The following TRPM2 variants were observed in gnomAD, a reference collection of about 807,000 sequenced individuals.
The protein encoded by TRPM2 is transient receptor potential cation channel subfamily M member 2.
TRPM2 carries 161 observed loss-of-function variants against 174.0 expected under a neutral mutation model. The observed-to-expected ratio is 0.93, with a 90% CI of 0.81 to 1.05. The LOEUF (loss-of-function observed/expected upper bound fraction) is 1.05, where lower values mean the gene tolerates loss of function less well. TRPM2 is among the 50% of genes least tolerant of loss of function. The pLI is 0.00. For missense variants in TRPM2, 2,057 were observed against 2,038.0 expected (o/e 1.01, Z -0.18); for synonymous variants, 954 against 861.3 (o/e 1.11, Z -1.88).
At chr21:44,377,919 G>A (rs1405429962) in intron 7 of TRPM2, 146 bp downstream of exon 7, 3 of 977,954 alleles carry the variant, frequency 3.1e-6, no homozygotes, top group Non-Finnish European at 4.5e-6. Flanking sequence ...GAGCATCTAC[G>A]CTGTGTCGGG....
chr21:44,373,946 A>C (rs1183131990), intron 5 of TRPM2, among the ~76,000 whole-genome samples: 1 of 152,106 alleles, frequency 6.6e-6, no homozygotes, highest in Non-Finnish European at 1.5e-5. Flanking sequence ...TCACCAGAAG[A>C]AGCAACTGTG....
Position 44,439,618 on chromosome 21 carries a change from G to C in TRPM2, c.4269+450G>C, listed in dbSNP as rs1218720022. Reference sequence around the variant, plus strand: ...TTCCCACATGCATGCCCAGCCTGGGGACCGACTGTACCAGGACTTTTTATT... The same window carrying C: ...TTCCCACATGCATGCCCAGCCTGGGCACCGACTGTACCAGGACTTTTTATT... On this transcript the variant is annotated intron_variant, in intron 30 of 31. Transcript: ENST00000397928. The surrounding 1 kb of genome is among the most constrained non-coding windows in gnomAD (Gnocchi z 5.1). Among the ~76,000 whole-genome samples the C allele has an allele frequency of 6.6e-6, 1 of 152,174 alleles. No individual in the cohort carries two copies. The highest frequency in any genetic ancestry group is 1.9e-4 in the East Asian group (1 of 5,192).
chr21:44,418,442 C>T lies in TRPM2; in HGVS notation c.3348C>T (p.Asn1116=), dbSNP rs368935440. The part of the protein sequence containing the change: ...HKQLKNKLEK[N]EEAALLSWEI... Reference sequence around the variant, plus strand: ...TGACAGAGAACAAGCTGGAGAAGAACGAGGAGGCGGCCCTGCTATCCTGGG... The same window carrying T: ...TGACAGAGAACAAGCTGGAGAAGAATGAGGAGGCGGCCCTGCTATCCTGGG... The change falls in exon 22 of 32, where the codon AAC becomes AAT. Residue 1116 remains asparagine (N), a synonymous_variant. Transcript: ENST00000397928. 85 of 1,613,942 alleles carry T rather than the reference C, an allele frequency of 5.3e-5. No homozygotes were observed. The highest frequency in any genetic ancestry group is 6.5e-5 in the Non-Finnish European group (77 of 1,179,988).
In TRPM2 at chr21:44,397,972, A is replaced by C. The variant is rs191169993; in HGVS notation, c.2062+96A>C. The C allele has an allele frequency of 2.6e-4, 352 of 1,369,586 alleles. No individual in the cohort carries two copies. In the Middle Eastern group the frequency reaches 6.8e-3, roughly 26 times the overall value. The allele number at this position is 1,369,586 out of a possible 1,614,324, so 84.8% of individuals were successfully genotyped here. A position where few individuals can be genotyped will look rare whatever the true frequency, so the allele number is the denominator to read the frequency against. On this transcript the variant is annotated intron_variant, in intron 13 of 31. Coordinates refer to ENST00000397928, the MANE Select transcript of TRPM2 (RefSeq NM_003307.4). Reference sequence around the variant, plus strand: ...CTGGGTCTCAGCCCCATGTGCCCTCACCCTGGGGTCCTCGTCCCTGGGCCT... The same window carrying C: ...CTGGGTCTCAGCCCCATGTGCCCTCCCCCTGGGGTCCTCGTCCCTGGGCCT...
intron 5 of TRPM2, among the ~76,000 whole-genome samples, chr21:44,373,425 G>T (rs7281020): frequency 0.05 from 7,594 of 152,210 alleles, 587 homozygotes; most frequent in African/African-American, 0.16. Context: ...GACCTCAAGT[G>T]ATCCGCCCGC....
rs377374909 is a variant in TRPM2, at chr21:44,371,951, G to A, written c.771+2608G>A. On this transcript the variant is annotated intron_variant, in intron 5 of 31. Coordinates refer to ENST00000397928, the MANE Select transcript of TRPM2 (RefSeq NM_003307.4). Reference sequence around the variant, plus strand: ...AGTTCAAGACCAGCTTGGCCAATATGGTGGAAACCCTGTCTTTACTAAAAA... The same window carrying A: ...AGTTCAAGACCAGCTTGGCCAATATAGTGGAAACCCTGTCTTTACTAAAAA... 1.3e-4 allele frequency among the ~76,000 whole-genome samples: 20 copies of A among 152,246 alleles called. No individual in the cohort carries two copies. In the East Asian group the frequency reaches 1.3e-3, roughly 10 times the overall value.
At chr21:44,425,239 G>A (rs941092995) in intron 24 of TRPM2, 25 of 428,326 alleles carry the variant, frequency 5.8e-5, no homozygotes, top group Admixed American at 1.2e-4. Context: ...CGAGGCGGGC[G>A]GCTGCAGACT....
rs768850090 is a variant in TRPM2 at position 44,399,354 on chromosome 21, C to T, written c.2121C>T (p.Arg707=). Residue 707 remains arginine, a synonymous_variant, in exon 14 of 32, where the codon CGC becomes CGT. Coordinates refer to ENST00000397928, the MANE Select transcript of TRPM2 (RefSeq NM_003307.4). The surrounding 1 kb of genome is among the most constrained non-coding windows in gnomAD (Gnocchi z 4.6). The part of the protein sequence containing the change: ...DEERAQKLLT[R]VSEAWGKTTC... ...AGAGAGCCCAGAAACTGCTCACCCGCGTGTCCGAGGCCTGGGGGAAGACCA... is the reference window on the plus strand; with the variant it reads ...AGAGAGCCCAGAAACTGCTCACCCGTGTGTCCGAGGCCTGGGGGAAGACCA... 4 of 1,612,868 alleles carry T rather than the reference C, an allele frequency of 2.5e-6. No homozygotes were observed. The highest frequency in any genetic ancestry group is 1.3e-5 in the African/African-American group (1 of 75,052).
chr21:44,372,824 C>T (rs1278720569), intron 5 of TRPM2, among the ~76,000 whole-genome samples: 2 of 152,138 alleles, frequency 1.3e-5, no homozygotes, highest in Non-Finnish European at 2.9e-5. Context: ...GCTTGGGCAC[C>T]CCCTACCCTG....
intron 9 of TRPM2, 137 bp from the exon 10 acceptor site, chr21:44,390,767 C>T: frequency 8.5e-7 from 1 of 1,177,794 alleles, no homozygotes; most frequent in Non-Finnish European, 1.2e-6. Context: ...GAGGAGGTCA[C>T]TGGGTGCTGC....
At position 44,425,783 on chromosome 21, in the gene TRPM2, C is replaced by T. The variant is rs769440385; in HGVS notation, c.3751C>T (p.Pro1251Ser). The T allele has an allele frequency of 1.9e-5, 30 of 1,592,648 alleles. No homozygotes were observed. The South Asian group carries it at 3.2e-4, about 17-fold the overall frequency. Residue 1251 changes from proline to serine, a missense_variant, in exon 25 of 32, where the codon CCT becomes TCT. Pro to Ser is a moderately conservative substitution (Grantham distance 74, BLOSUM62 -1). Transcript: ENST00000397928. Reference sequence around the variant, plus strand: ...CCGGCACCTCCTCTACCCCAACTGCCCTGTCACGCGCTTCCCCGTGCCCAA... The same window carrying T: ...CCGGCACCTCCTCTACCCCAACTGCTCTGTCACGCGCTTCCCCGTGCCCAA... ...NARHLLYPNCPVTRFPVPNEK... is the reference protein window; with the variant it reads ...NARHLLYPNCSVTRFPVPNEK...
At chr21:44,353,959 G>A in intron 1 of TRPM2, 94 bp downstream of exon 1, 1 of 1,460,702 alleles carries the variant, frequency 6.8e-7, no homozygotes, top group Non-Finnish European at 9.1e-7. Flanking sequence ...ACGGGGGTGG[G>A]AAAGGGTCTG....
chr21:44,441,957 C>T lies in TRPM2; in HGVS notation c.*140C>T, dbSNP rs1245416037. 1.0e-5 allele frequency: 13 copies of T among 1,253,990 alleles called. No individual in the cohort carries two copies. The highest frequency in any genetic ancestry group is 1.5e-5 in the African/African-American group (1 of 65,178). 77.7% of individuals were successfully genotyped at this position (1,253,990 alleles called of 1,614,324 possible). ...GGTTTGGTGGACCCAGTGCCCCTCACGGCTGCCGCAAGTCTGCTGCAGATG... is the reference window on the plus strand; with the variant it reads ...GGTTTGGTGGACCCAGTGCCCCTCATGGCTGCCGCAAGTCTGCTGCAGATG... On this transcript the variant is annotated 3_prime_UTR_variant, in exon 32 of 32. Coordinates refer to ENST00000397928, the MANE Select transcript of TRPM2 (RefSeq NM_003307.4).
At position 44,399,159 on chromosome 21, in the gene TRPM2, G is replaced by GAC. The variant is rs2049525520; in HGVS notation, c.2063-134_2063-133dup. 1.7e-6 allele frequency: 2 copies of GAC among 1,181,858 alleles called. No homozygotes were observed. Among genetic ancestry groups the GAC allele is most frequent in the Non-Finnish European group, 2.3e-6 (2 of 871,078 alleles). The allele number at this position is 1,181,858 out of a possible 1,614,324, so 73.2% of individuals were successfully genotyped here. On this transcript the variant is annotated intron_variant, in intron 13 of 31. Coordinates refer to ENST00000397928, the MANE Select transcript of TRPM2 (RefSeq NM_003307.4). The surrounding 1 kb of genome is among the most constrained non-coding windows in gnomAD (Gnocchi z 4.6). Reference sequence around the variant, plus strand: ...TCGTCCCTGGGCCTGGGTGTTTTGAGACACCAGCCCCACATTTGCCCTGTG... The same window carrying GAC: ...TCGTCCCTGGGCCTGGGTGTTTTGAGACACACCAGCCCCACATTTGCCCTGTG...
At chr21:44,437,246 A>G in intron 29 of TRPM2, 79 bp downstream of exon 29, 3 of 1,359,318 alleles carry the variant, frequency 2.2e-6, no homozygotes, top group African/African-American at 1.5e-5. Context: ...CTGCCCACGG[A>G]CTGGACACCA....
Position 44,425,835 on chromosome 21 carries a change from C to T in TRPM2, c.3795+8C>T. ...GAGAAGGTGCCCTGGGAGGTGAGCGCCTGCCCAAGCCCAACCAGGCGGAGT... is the reference window on the plus strand; with the variant it reads ...GAGAAGGTGCCCTGGGAGGTGAGCGTCTGCCCAAGCCCAACCAGGCGGAGT... On this transcript the variant is annotated splice_region_variant and intron_variant, in intron 25 of 31. Coordinates refer to ENST00000397928, the MANE Select transcript of TRPM2 (RefSeq NM_003307.4). The T allele has an allele frequency of 1.3e-6, 2 of 1,553,554 alleles. No individual in the cohort carries two copies. The highest frequency in any genetic ancestry group is 1.8e-6 in the Non-Finnish European group (2 of 1,140,672).
At chr21:44,373,430 G>A (rs568500828) in intron 5 of TRPM2, among the ~76,000 whole-genome samples, 86 of 152,168 alleles carry the variant, frequency 5.7e-4, no homozygotes, top group South Asian at 1.7e-3. Context: ...CAAGTGATCC[G>A]CCCGCCTCGG....
chr21:44,441,151 G>T (rs1014410462), intron 31 of TRPM2, among the ~76,000 whole-genome samples: 37 of 152,316 alleles, frequency 2.4e-4, no homozygotes, highest in Non-Finnish European at 4.3e-4. Context: ...GAGGCTACAG[G>T]GTCAGAGTCT....
intron 11 of TRPM2, among the ~76,000 whole-genome samples, chr21:44,394,286 G>C (rs45548339): frequency 2.7e-5 from 4 of 147,016 alleles, no homozygotes; most frequent in Non-Finnish European, 6.0e-5. Flanking sequence ...AAGCTTATCT[G>C]TACCTGTGGT....
Sources: gnomAD v4.1 joint callset for allele counts (sites outside exome capture counted in the v4.1 genomes callset) on GRCh38, gnomAD v4.1.1 for gene constraint, Gnocchi (gnomAD v3.1) non-coding constraint, MANE v1.5 for transcripts, NCBI Gene and HGNC (gene_info 2026-07-23, HGNC 2026-07-21) for gene names.